The following MYOF variants were observed in gnomAD, a reference collection of about 807,000 sequenced individuals.
MYOF encodes the protein myoferlin, also known as fer-1-like 3, myoferlin.
A neutral mutation model predicts 284.2 loss-of-function variants in MYOF; 244 were observed. The ratio of observed to expected loss-of-function variants is 0.86; its 90% confidence interval spans 0.77 to 0.95. The LOEUF (loss-of-function observed/expected upper bound fraction) is 0.95, where lower values mean the gene tolerates loss of function less well. MYOF is among the 40% of genes least tolerant of loss of function. MYOF has a pLI of 0.00. For synonymous variants in MYOF, 904 were observed against 919.7 expected (o/e 0.98, Z 0.31); for missense variants, 2,496 against 2,560.6 (o/e 0.97, Z 0.54).
At chr10:93,420,089 C>T (rs1848296253) in intron 5 of MYOF, among the ~76,000 whole-genome samples, 1 of 152,116 alleles carries the variant, frequency 6.6e-6, no homozygotes, top group Non-Finnish European at 1.5e-5. Context: ...GCTGAGATCA[C>T]TGGGCAACAG....
At chr10:93,450,039 G>T (rs1233971003) in intron 3 of MYOF, among the ~76,000 whole-genome samples, 1 of 151,850 alleles carries the variant, frequency 6.6e-6, no homozygotes, top group East Asian at 1.9e-4. Context: ...GGACAGATCA[G>T]TTGAGGCCAA....
Position 93,332,586 on chromosome 10 carries a change from C to G in MYOF, c.4811+635G>C, listed in dbSNP as rs560232822. Among the ~76,000 whole-genome samples, 47 of 149,854 alleles carry G rather than the reference C, an allele frequency of 3.1e-4. No individual in the cohort carries two copies. The South Asian group carries it at 7.1e-3, about 23-fold the overall frequency. ...CTCAGCCTGTCGCGGTGGCTCACGCCTGTAATCCCAGCACTTTGGGAGGGC... is the reference window on the plus strand; with the variant it reads ...CTCAGCCTGTCGCGGTGGCTCACGCGTGTAATCCCAGCACTTTGGGAGGGC... On this transcript the variant is annotated intron_variant, in intron 43 of 53. Coordinates refer to ENST00000359263, the MANE Select transcript of MYOF (RefSeq NM_013451.4).
chr10:93,376,527 T>A (rs1845842750), intron 22 of MYOF, among the ~76,000 whole-genome samples: 1 of 152,082 alleles, frequency 6.6e-6, no homozygotes, highest in Non-Finnish European at 1.5e-5. Flanking sequence ...CAGCAGTACT[T>A]TGATTTTGGT....
chr10:93,480,948 G>A (rs1316232992), intron 1 of MYOF, among the ~76,000 whole-genome samples: 1 of 152,132 alleles, frequency 6.6e-6, no homozygotes, highest in Non-Finnish European at 1.5e-5. Context: ...ATGTAGCAAG[G>A]CATGGTCAGG....
At chr10:93,331,377 A>G (rs996714484) in intron 43 of MYOF, among the ~76,000 whole-genome samples, 14 of 152,168 alleles carry the variant, frequency 9.2e-5, no homozygotes, top group African/African-American at 2.9e-4. Flanking sequence ...TCCGCCAGAC[A>G]GCGATTGGCC....
chr10:93,406,318 T>TATATATG (rs1847584374), intron 7 of MYOF, among the ~76,000 whole-genome samples: 1 of 38,718 alleles, frequency 2.6e-5, no homozygotes, highest in Non-Finnish European at 7.8e-5. Context: ...ATATATATAT[T>TATATATG]TGTTTTTATC....
chr10:93,449,453 A>G (rs531763981), intron 3 of MYOF, among the ~76,000 whole-genome samples: 1 of 152,216 alleles, frequency 6.6e-6, no homozygotes, highest in Non-Finnish European at 1.5e-5. Flanking sequence ...AGTAACATGC[A>G]GGAGGCTAGT....
At chr10:93,351,361 C>A in intron 34 of MYOF, 52 bp downstream of exon 34, 1 of 1,609,576 alleles carries the variant, frequency 6.2e-7, no homozygotes, top group Non-Finnish European at 8.5e-7. Context: ...CTAGAATTAA[C>A]ATGCATTTTA....
At position 93,376,087 on chromosome 10, in the gene MYOF, GA is replaced by G. The variant is rs1247145520; in HGVS notation, c.2109-1133del. 2.0e-5 allele frequency among the ~76,000 whole-genome samples: 3 copies of G among 152,164 alleles called. No individual in the cohort carries two copies. In the East Asian group the frequency reaches 5.8e-4, roughly 29 times the overall value. On this transcript the variant is annotated intron_variant, in intron 22 of 53. Transcript: ENST00000359263. ...TGAATTTCCTGTTACATAAAGTTTA[GA>G]AAGATTCCAATTTGATTCCTCAAAA...
Position 93,397,421 on chromosome 10 carries a change from T to A in MYOF, c.1257A>T (p.Pro419=). Residue 419 remains proline, a synonymous_variant, in exon 14 of 54, where the codon CCA becomes CCT. Transcript: ENST00000359263. ...CTNIIEKNAN[P]EWNQVVNLQI... ...GAAGATTGACGACCTGATTCCACTC[T>A]GGGTTTGCATTTTTCTCAATTATGT... The A allele has an allele frequency of 3.7e-6, 6 of 1,611,574 alleles. No individual in the cohort carries two copies. The highest frequency in any genetic ancestry group is 5.1e-6 in the Non-Finnish European group (6 of 1,179,466).
At chr10:93,313,235 C>T (rs777694430) in intron 50 of MYOF, 25 bp from the exon 51 acceptor site, 1 of 1,599,964 alleles carries the variant, frequency 6.3e-7, no homozygotes, top group Non-Finnish European at 8.5e-7. Context: ...AACAGTAAGT[C>T]CAAATGAGCT....
intron 5 of MYOF, among the ~76,000 whole-genome samples, chr10:93,414,208 C>A (rs1238476828): frequency 6.6e-6 from 1 of 151,270 alleles, no homozygotes; most frequent in Non-Finnish European, 1.5e-5. Context: ...TGTGGTCACA[C>A]AGCCTTTCTC....
At chr10:93,413,867 C>G (rs562356725) in intron 5 of MYOF, among the ~76,000 whole-genome samples, 32 of 152,062 alleles carry the variant, frequency 2.1e-4, no homozygotes, top group African/African-American at 7.5e-4. Context: ...GTGGTGCACA[C>G]CTGTAGTCTG....
At chr10:93,407,478 C>T (rs958826333) in intron 7 of MYOF, among the ~76,000 whole-genome samples, 1 of 147,608 alleles carries the variant, frequency 6.8e-6, no homozygotes, top group African/African-American at 2.5e-5. Flanking sequence ...CGCCTGTAAT[C>T]CCAGCACTAT....
At chr10:93,333,593 T>C (rs116525649) in intron 42 of MYOF, among the ~76,000 whole-genome samples, 165 bp downstream of exon 42, 2,590 of 152,256 alleles carry the variant, frequency 0.017, 78 homozygotes, top group African/African-American at 0.058. Context: ...CGCAAGCTCT[T>C]AGATAAATCC....
chr10:93,369,293 C>G (rs58975945), intron 25 of MYOF, among the ~76,000 whole-genome samples: 1 of 147,942 alleles, frequency 6.8e-6, no homozygotes, highest in Non-Finnish European at 1.5e-5. Context: ...TACTTAGTGT[C>G]CCAGCATCAG....
intron 19 of MYOF, among the ~76,000 whole-genome samples, chr10:93,382,790 G>A (rs369011708): frequency 1.3e-5 from 2 of 152,274 alleles, no homozygotes; most frequent in South Asian, 4.2e-4. Flanking sequence ...ATTATGTCCC[G>A]TGCATTCTGC....
intron 29 of MYOF, among the ~76,000 whole-genome samples, chr10:93,359,027 G>A (rs1026299397): frequency 6.6e-5 from 10 of 152,046 alleles, no homozygotes; most frequent in African/African-American, 2.4e-4. Flanking sequence ...GAGTTAGCAA[G>A]GAGGATACAA....
intron 3 of MYOF, among the ~76,000 whole-genome samples, chr10:93,432,210 A>G (rs1468071318): frequency 6.6e-6 from 1 of 152,064 alleles, no homozygotes; most frequent in Non-Finnish European, 1.5e-5. Flanking sequence ...CAAGATCATG[A>G]GACCCCATCT....
Sources: allele counts gnomAD v4.1 joint callset (sites outside exome capture counted in the v4.1 genomes callset), GRCh38; gene constraint gnomAD v4.1.1; transcripts MANE v1.5; gene names NCBI Gene and HGNC (gene_info 2026-07-23, HGNC 2026-07-21).